The following NLRP2 variants were observed in gnomAD, a reference collection of about 807,000 sequenced individuals.
NLRP2 encodes NLR family pyrin domain containing 2, also known as NACHT, LRR and PYD domains-containing protein 2.
A neutral mutation model predicts 97.2 loss-of-function variants in NLRP2; 107 were observed. The ratio of observed to expected loss-of-function variants is 1.10; its 90% CI spans 0.94 to 1.29. The LOEUF (loss-of-function observed/expected upper bound fraction) is 1.29, where lower values mean the gene tolerates loss of function less well. NLRP2 is among the 50% of genes most tolerant of loss of function. The probability of loss-of-function intolerance (pLI) is 0.00; values close to 1 mark genes in which losing one functional copy is unlikely to be tolerated. For synonymous variants in NLRP2, 663 were observed against 551.5 expected, an observed-to-expected ratio of 1.20 and a Z score of -2.83; for missense variants, 1,495 against 1,330.3, an observed-to-expected ratio of 1.12 and a Z score of -1.93.
intron 6 of NLRP2, among the ~76,000 whole-genome samples, chr19:54,984,500 T>TTTTTTTTTTTTTTG (rs764786892): frequency 1.5e-5 from 2 of 132,852 alleles, no homozygotes; most frequent in African/African-American, 2.9e-5. Flanking sequence ...TTTTTTTTTT[T>TTTTTTTTTTTTTTG]GAGACGGAGT....
chr19:54,990,736 T>A (rs1489724816), intron 10 of NLRP2, 64 bp downstream of exon 10: 6 of 1,551,414 alleles, frequency 3.9e-6, no homozygotes, highest in African/African-American at 1.4e-5. Flanking sequence ...CCTCCGGGTT[T>A]GAGTAGGGTG....
chr19:55,000,204 G>A (rs1277212675), intron 12 of NLRP2, among the ~76,000 whole-genome samples: 1 of 144,118 alleles, frequency 6.9e-6, no homozygotes, highest in African/African-American at 2.6e-5. Flanking sequence ...TTGAACCCAA[G>A]AGGCACAGGT....
intron 10 of NLRP2, among the ~76,000 whole-genome samples, chr19:54,993,066 A>G (rs2146524321): frequency 6.6e-6 from 1 of 151,964 alleles, no homozygotes; most frequent in Middle Eastern, 3.4e-3. Context: ...CTAAAAATAC[A>G]AAAATTAGCC....
chr19:54,975,687 T>C (rs1346134383), intron 3 of NLRP2, among the ~76,000 whole-genome samples: 18 of 151,692 alleles, frequency 1.2e-4, no homozygotes, highest in South Asian at 6.3e-4. Flanking sequence ...CTCCTGACCT[T>C]GTGATCCGCC....
chr19:54,982,785 G>A lies in NLRP2; in HGVS notation c.1087G>A (p.Asp363Asn), dbSNP rs779856359. The change falls in exon 6 of 13, where the codon GAC (aspartate) becomes AAC (asparagine). Residue 363 changes from aspartate to asparagine, a missense_variant. Physicochemically the swap from Asp to Asn is conservative, Grantham distance 23. Transcript: ENST00000448584. ...YIRVEGFLEE[D>N]RRAYFLRHFG... ...AAGGGTGGAGGGCTTCCTGGAGGAGGACAGGAGGGCCTATTTCCTGAGACA... is the reference window on the plus strand; with the variant it reads ...AAGGGTGGAGGGCTTCCTGGAGGAGAACAGGAGGGCCTATTTCCTGAGACA... 7 of 1,614,112 alleles carry A rather than the reference G, an allele frequency of 4.3e-6. No homozygotes were observed. The highest frequency in any genetic ancestry group is 4.2e-6 in the Non-Finnish European group (5 of 1,180,020).
At position 54,983,782 on chromosome 19, in the gene NLRP2, C is replaced by A. The variant is rs1297826940; in HGVS notation, c.2030+54C>A. 4 of 1,598,710 alleles carry A rather than the reference C, an allele frequency of 2.5e-6. No homozygotes were observed. The African/African-American group carries it at 5.3e-5, about 21-fold the overall frequency. ...TCCATCTTTAGCCTCATCCCATGCC[C>A]CCTTAGGAAGAGGCCAGAGCCTCCT... On this transcript the variant is annotated intron_variant, in intron 6 of 12. Coordinates refer to ENST00000448584, the MANE Select transcript of NLRP2 (RefSeq NM_017852.5).
Position 54,983,435 on chromosome 19 carries a change from G to A in NLRP2, c.1737G>A (p.Pro579=), listed in dbSNP as rs530937104. ...LEATFGCRMS[P]DIKQELLRCD... ...CCACTTTTGGCTGCCGGATGTCACC[G>A]GACATCAAACAGGAATTGCTGCGAT... The change falls in exon 6 of 13, where the codon CCG becomes CCA. Residue 579 remains proline, a synonymous_variant. Transcript: ENST00000448584. The A allele has an allele frequency of 1.8e-5, 29 of 1,614,154 alleles. No individual in the cohort carries two copies. The highest frequency in any genetic ancestry group is 1.3e-4 in the South Asian group (12 of 91,082).
Position 54,986,354 on chromosome 19 carries a change from C to T in NLRP2, c.2366+39C>T, listed in dbSNP as rs1245778855. The T allele has an allele frequency of 1.6e-5, 26 of 1,576,988 alleles. No homozygotes were observed. The East Asian group carries it at 4.0e-4, about 24-fold the overall frequency. On this transcript the variant is annotated intron_variant, in intron 8 of 12. Transcript: ENST00000448584. ...TCATTAAAATCCTTCATCATACAAA[C>T]ATAAGCTACCACAAGCTTATGTGGC...
chr19:55,000,810 TAGA>T lies in NLRP2; in HGVS notation c.3106_3108del (p.Glu1036del), dbSNP rs1568553354. ...GAACTCAATAAGCTGCTGGAAGAAA[TAGA>T]AGAAAAAAACCCACAACTGATTATT... On this transcript the variant is annotated inframe_deletion, in exon 13 of 13. Coordinates refer to ENST00000448584, the MANE Select transcript of NLRP2 (RefSeq NM_017852.5). 3.1e-6 allele frequency: 5 copies of T among 1,613,532 alleles called. No individual in the cohort carries two copies. In the South Asian group the frequency reaches 5.5e-5, roughly 18 times the overall value.
At chr19:54,995,831 C>G (rs1380396146) in intron 11 of NLRP2, among the ~76,000 whole-genome samples, 1 of 151,546 alleles carries the variant, frequency 6.6e-6, no homozygotes, top group Non-Finnish European at 1.5e-5. Flanking sequence ...TGCTTGAGGC[C>G]AAGAATTTAA....
intron 6 of NLRP2, among the ~76,000 whole-genome samples, chr19:54,984,507 G>T (rs2071917531): frequency 3.2e-5 from 1 of 31,514 alleles, no homozygotes; most frequent in African/African-American, 3.9e-4. Flanking sequence ...TTTTGAGACG[G>T]AGTTTCACTC....
At chr19:54,969,532 A>G (rs2070710517) in intron 1 of NLRP2, among the ~76,000 whole-genome samples, 1 of 151,068 alleles carries the variant, frequency 6.6e-6, no homozygotes, top group Non-Finnish European at 1.5e-5. Context: ...GTGGGTGCCC[A>G]TAATCCCAGC....
chr19:54,996,328 A>AG (rs2072821880), intron 11 of NLRP2, among the ~76,000 whole-genome samples: 1 of 152,012 alleles, frequency 6.6e-6, no homozygotes, highest in African/African-American at 2.4e-5. Context: ...CTAAAGAGAC[A>AG]GGTGAAACCC....
chr19:54,967,908 GCTA>G (rs376188193), intron 1 of NLRP2, among the ~76,000 whole-genome samples: 29 of 144,470 alleles, frequency 2.0e-4, no homozygotes, highest in African/African-American at 6.9e-4. Flanking sequence ...AGTTTTTGTT[GCTA>G]CTGCTATTTT....
chr19:54,991,750 T>C (rs887128029), intron 10 of NLRP2, among the ~76,000 whole-genome samples: 2 of 150,052 alleles, frequency 1.3e-5, no homozygotes, highest in African/African-American at 4.9e-5. Flanking sequence ...GGTCCTGTAA[T>C]CCCAGCTACT....
Position 54,990,193 on chromosome 19 carries a change from G to A in NLRP2, c.2537+1G>A, listed in dbSNP as rs769940861. 13 of 1,613,990 alleles carry A rather than the reference G, an allele frequency of 8.1e-6. No homozygotes were observed. Among genetic ancestry groups the A allele is most frequent in the Admixed American group, 3.3e-5 (2 of 59,994 alleles). ...CCAAGTGCTTTCTGCAGAGGTTGTCGTAAGTCTCTCCTCTCTTACAGAGCA... is the reference window on the plus strand; with the variant it reads ...CCAAGTGCTTTCTGCAGAGGTTGTCATAAGTCTCTCCTCTCTTACAGAGCA... On this transcript the variant is annotated splice_donor_variant, in intron 9 of 12. Transcript: ENST00000448584. LOFTEE classifies it high-confidence loss of function.
chr19:54,972,271 C>T (rs531246361), intron 2 of NLRP2, among the ~76,000 whole-genome samples: 1 of 152,040 alleles, frequency 6.6e-6, no homozygotes, highest in African/African-American at 2.4e-5. Flanking sequence ...AACTCCCGCC[C>T]CCTGGGTTCA....
At chr19:54,978,017 T>G (rs1223079926) in intron 4 of NLRP2, among the ~76,000 whole-genome samples, 194 bp downstream of exon 4, 1 of 152,126 alleles carries the variant, frequency 6.6e-6, no homozygotes, top group Non-Finnish European at 1.5e-5. Flanking sequence ...TGCAGAGAAT[T>G]AGAACTCAGT....
chr19:54,999,026 C>CCCCA (rs1555785167), intron 12 of NLRP2, among the ~76,000 whole-genome samples: 1 of 92,788 alleles, frequency 1.1e-5, no homozygotes, highest in Non-Finnish European at 2.7e-5. Flanking sequence ...CTGACCCCCC[C>CCCCA]ACCTCCCTCC....
Sources: allele counts gnomAD v4.1 joint callset (sites outside exome capture counted in the v4.1 genomes callset), GRCh38; gene constraint gnomAD v4.1.1; transcripts MANE v1.5; gene names NCBI Gene and HGNC (gene_info 2026-07-23, HGNC 2026-07-21).